Variants in GALNT17 observed in about 807,000 individuals in gnomAD.
GALNT17 encodes polypeptide N-acetylgalactosaminyltransferase 17, also known as UDP-GalNAc:polypeptide N-acetylgalactosaminyltransferase-like 3.
GALNT17 carries 29 observed loss-of-function variants against 63.7 expected under a neutral mutation model. The observed-to-expected ratio is 0.46, with a 90% CI of 0.34 to 0.62. GALNT17 has a LOEUF of 0.62. GALNT17 is among the 20% of genes least tolerant of loss of function. The probability of loss-of-function intolerance (pLI) is 0.01; values close to 1 mark genes in which losing one functional copy is unlikely to be tolerated. For synonymous variants in GALNT17, 305 were observed against 318.3 expected, an observed-to-expected ratio of 0.96 and a Z score of 0.45; for missense variants, 603 against 799.6, an observed-to-expected ratio of 0.75 and a Z score of 2.97.
intron 1 of GALNT17, among the ~76,000 whole-genome samples, chr7:71,234,873 T>C (rs887484716): frequency 2.0e-5 from 3 of 152,186 alleles, no homozygotes; most frequent in Admixed American, 6.5e-5. Context: ...TTTTGTACCT[T>C]GTCTCCTCCT....
intron 5 of GALNT17, among the ~76,000 whole-genome samples, chr7:71,542,045 T>A (rs150260211): frequency 1.3e-5 from 2 of 152,050 alleles, no homozygotes; most frequent in African/African-American, 2.4e-5. Flanking sequence ...CAGGCGATGA[T>A]ACAAAATGGG....
chr7:71,231,919 G>A (rs7800194), intron 1 of GALNT17, among the ~76,000 whole-genome samples: 9,356 of 152,086 alleles, frequency 0.062, 953 homozygotes, highest in African/African-American at 0.21. Context: ...AGGGATATAG[G>A]TTCAGCATGA....
At chr7:71,268,659 G>C (rs1044805827) in intron 1 of GALNT17, among the ~76,000 whole-genome samples, 1 of 152,132 alleles carries the variant, frequency 6.6e-6, no homozygotes, top group Non-Finnish European at 1.5e-5. Flanking sequence ...CTGGGTGCTG[G>C]CTGAACTGTG....
At chr7:71,457,159 G>C (rs569858819) in intron 5 of GALNT17, among the ~76,000 whole-genome samples, 1 of 152,188 alleles carries the variant, frequency 6.6e-6, no homozygotes, top group African/African-American at 2.4e-5. Flanking sequence ...TAAGCTATCC[G>C]TTTACATTGT....
At chr7:71,337,728 C>T (rs1056660586) in intron 2 of GALNT17, among the ~76,000 whole-genome samples, 2 of 151,578 alleles carry the variant, frequency 1.3e-5, no homozygotes, top group East Asian at 2.0e-4. Context: ...ATTGGCTGGG[C>T]GCGGTGGCAG....
intron 5 of GALNT17, among the ~76,000 whole-genome samples, chr7:71,540,642 A>C (rs1191542336): frequency 6.6e-6 from 1 of 152,088 alleles, no homozygotes; most frequent in Non-Finnish European, 1.5e-5. Context: ...AGCAACTAAT[A>C]GCTTTAAATG....
intron 1 of GALNT17, among the ~76,000 whole-genome samples, chr7:71,142,764 A>C (rs1189490430): frequency 6.6e-6 from 1 of 151,894 alleles, no homozygotes; most frequent in East Asian, 2.0e-4. Context: ...AACATGGTGA[A>C]ATTTTTTCTC....
chr7:71,520,983 C>A (rs1206329650), intron 5 of GALNT17, among the ~76,000 whole-genome samples: 1 of 152,172 alleles, frequency 6.6e-6, no homozygotes, highest in Admixed American at 6.5e-5. Flanking sequence ...AGTCTTCAGA[C>A]ACTGTCAGAA....
chr7:71,639,574 G>C (rs886195734), intron 6 of GALNT17, among the ~76,000 whole-genome samples: 8 of 152,156 alleles, frequency 5.3e-5, no homozygotes, highest in Non-Finnish European at 1.2e-4. Flanking sequence ...TGAACTCCCT[G>C]CTACCTCTGC....
chr7:71,178,747 C>A (rs1014341479), intron 1 of GALNT17, among the ~76,000 whole-genome samples: 3 of 152,164 alleles, frequency 2.0e-5, no homozygotes, highest in Admixed American at 1.3e-4. Context: ...GGGTTAGATT[C>A]CCCATCTGTT....
At chr7:71,507,646 G>A (rs887730720) in intron 5 of GALNT17, among the ~76,000 whole-genome samples, 8 of 152,144 alleles carry the variant, frequency 5.3e-5, no homozygotes, top group African/African-American at 1.2e-4. Context: ...GAGCCAATGC[G>A]TTGGTTAATC....
Position 71,612,269 on chromosome 7 carries a change from A to G in GALNT17, c.1080+40867A>G, listed in dbSNP as rs546567571. On this transcript the variant is annotated intron_variant, in intron 6 of 10. Coordinates refer to ENST00000333538, the MANE Select transcript of GALNT17 (RefSeq NM_022479.3). Reference sequence around the variant, plus strand: ...TTGCATTTGGATTCTATGCCTTTGGATTTTCATCCCACATTGCACTGTGGC... The same window carrying G: ...TTGCATTTGGATTCTATGCCTTTGGGTTTTCATCCCACATTGCACTGTGGC... Among the ~76,000 whole-genome samples the G allele has an allele frequency of 1.8e-4, 27 of 152,162 alleles. No individual in the cohort carries two copies. The South Asian group carries it at 2.1e-3, about 12-fold the overall frequency.
chr7:71,432,605 A>G (rs1786888006), intron 5 of GALNT17, among the ~76,000 whole-genome samples: 1 of 152,152 alleles, frequency 6.6e-6, no homozygotes, highest in African/African-American at 2.4e-5. Context: ...TTAACCCTTT[A>G]CTACATAATG....
intron 3 of GALNT17, among the ~76,000 whole-genome samples, chr7:71,403,747 A>G (rs1793279943): frequency 6.6e-6 from 1 of 152,144 alleles, no homozygotes; most frequent in Non-Finnish European, 1.5e-5. Context: ...CCGGCTGCCA[A>G]ACGCGTTTAA....
rs181015132 is a variant in GALNT17, at chr7:71,490,128, G to C, written c.962+69023G>C. Among the ~76,000 whole-genome samples the C allele has an allele frequency of 1.1e-3, 174 of 152,002 alleles. 2 individuals carry two copies. Among genetic ancestry groups the C allele is most frequent in the Admixed American group, 9.9e-3 (151 of 15,262 alleles). On this transcript the variant is annotated intron_variant, in intron 5 of 10. Transcript: ENST00000333538. ...AAAAAATTTAGCTGGGCGTGGTGGC[G>C]GCACCTGTAATCCCAGCTACTCGGA...
chr7:71,322,056 G>A (rs1320987890), intron 1 of GALNT17, among the ~76,000 whole-genome samples: 1 of 151,216 alleles, frequency 6.6e-6, no homozygotes, highest in Non-Finnish European at 1.5e-5. Flanking sequence ...AGCTTAAGCA[G>A]CTCTCTCACA....
At chr7:71,660,825 G>C (rs573569284) in intron 6 of GALNT17, among the ~76,000 whole-genome samples, 2 of 152,320 alleles carry the variant, frequency 1.3e-5, no homozygotes, top group South Asian at 4.1e-4. Context: ...ACCACTGGCA[G>C]ACTTCACATC....
chr7:71,495,614 G>T (rs901426515), intron 5 of GALNT17, among the ~76,000 whole-genome samples: 1 of 152,122 alleles, frequency 6.6e-6, no homozygotes, highest in Admixed American at 6.6e-5. Context: ...ATCCCCAGTG[G>T]CCAGGCCCCT....
At chr7:71,271,100 CA>C (rs1790580376) in intron 1 of GALNT17, among the ~76,000 whole-genome samples, 1 of 152,168 alleles carries the variant, frequency 6.6e-6, no homozygotes, top group Non-Finnish European at 1.5e-5. Flanking sequence ...AGCAAGCTGA[CA>C]AAAGCATTTA....
Sources: allele counts gnomAD v4.1 joint callset (sites outside exome capture counted in the v4.1 genomes callset), GRCh38; gene constraint gnomAD v4.1.1; transcripts MANE v1.5; gene names NCBI Gene and HGNC (gene_info 2026-07-23, HGNC 2026-07-21).